LRMDA: variants seen among roughly 807,000 people sequenced by gnomAD.
LRMDA encodes leucine-rich melanocyte differentiation-associated protein.
Under a neutral mutation model 29.8 loss-of-function variants are expected in LRMDA, and 18 were observed. The ratio of observed to expected loss-of-function variants is 0.60; its 90% CI spans 0.42 to 0.90. LRMDA has a LOEUF of 0.90. Among genes scored for constraint, LRMDA ranks in the 40% least tolerant of loss-of-function variants. LRMDA has a pLI of 0.00. For synonymous variants in LRMDA, 125 were observed against 109.4 expected (o/e 1.14, Z -0.89); for missense variants, 273 against 273.9 (o/e 1.00, Z 0.02).
At chr10:75,567,582 G>T (rs1205613611) in intron 2 of LRMDA, among the ~76,000 whole-genome samples, 1 of 152,118 alleles carries the variant, frequency 6.6e-6, no homozygotes, top group Non-Finnish European at 1.5e-5. Flanking sequence ...CATTCAAAAC[G>T]GGATTTTTGC....
intron 2 of LRMDA, among the ~76,000 whole-genome samples, chr10:75,773,144 G>A (rs910910277): frequency 1.5e-4 from 23 of 152,152 alleles, no homozygotes; most frequent in African/African-American, 5.3e-4. Context: ...GTTGAAGGAT[G>A]TATCACAGCA....
At chr10:75,629,980 T>C (rs1289445586) in intron 2 of LRMDA, among the ~76,000 whole-genome samples, 2 of 152,284 alleles carry the variant, frequency 1.3e-5, no homozygotes, top group Non-Finnish European at 2.9e-5. Context: ...CATTCCATCA[T>C]ATATGTAATT....
rs767504354 is a variant in LRMDA, at chr10:76,047,150, T to C, written c.259-14T>C. 6.2e-7 allele frequency: 1 copy of C among 1,613,866 alleles called. No homozygotes were observed. The highest frequency in any genetic ancestry group is 8.5e-7 in the Non-Finnish European group (1 of 1,179,880). On this transcript the variant is annotated splice_polypyrimidine_tract_variant and intron_variant, in intron 3 of 6. Coordinates refer to ENST00000611255, the MANE Select transcript of LRMDA (RefSeq NM_001305581.2). ...CTTTTGTCTTACTGGACCAAGATTC[T>C]TAACCTTTGTCACATCACTGATTTG...
chr10:75,516,706 T>C (rs951388541), intron 2 of LRMDA, among the ~76,000 whole-genome samples: 1 of 152,136 alleles, frequency 6.6e-6, no homozygotes, highest in Non-Finnish European at 1.5e-5. Context: ...TTAGTTTAAT[T>C]AGATCCCATT....
At chr10:75,774,250 ATTT>A (rs1843279997) in intron 2 of LRMDA, among the ~76,000 whole-genome samples, 1 of 152,098 alleles carries the variant, frequency 6.6e-6, no homozygotes, top group South Asian at 2.1e-4. Context: ...TTACATTTTT[ATTT>A]TTAAGTTCTT....
intron 2 of LRMDA, among the ~76,000 whole-genome samples, chr10:75,851,023 G>A (rs1844723663): frequency 6.6e-6 from 1 of 152,174 alleles, no homozygotes; most frequent in Non-Finnish European, 1.5e-5. Context: ...ACCCCGCCTG[G>A]AAGAGGATCA....
chr10:76,346,060 T>G (rs751536105), intron 6 of LRMDA, among the ~76,000 whole-genome samples: 1 of 152,188 alleles, frequency 6.6e-6, no homozygotes, highest in East Asian at 1.9e-4. Flanking sequence ...AAGAGTACAG[T>G]GCTATACACC....
At chr10:75,579,589 C>G (rs113762245) in intron 2 of LRMDA, among the ~76,000 whole-genome samples, 187 of 152,186 alleles carry the variant, frequency 1.2e-3, no homozygotes, top group Admixed American at 2.6e-3. Context: ...GCATCATCCT[C>G]ATACCAAAAC....
chr10:76,262,541 T>G (rs975931340), intron 5 of LRMDA, among the ~76,000 whole-genome samples: 4 of 152,234 alleles, frequency 2.6e-5, no homozygotes, highest in African/African-American at 9.6e-5. Flanking sequence ...AGTGAAAGAT[T>G]AGGGTAACTG....
At chr10:75,581,473 G>A (rs1314665244) in intron 2 of LRMDA, among the ~76,000 whole-genome samples, 1 of 152,182 alleles carries the variant, frequency 6.6e-6, no homozygotes. Flanking sequence ...TGGTGGAAGT[G>A]TAAATTAGTT....
chr10:75,868,281 C>T (rs1048207081), intron 2 of LRMDA, among the ~76,000 whole-genome samples: 1 of 152,154 alleles, frequency 6.6e-6, no homozygotes, highest in African/African-American at 2.4e-5. Flanking sequence ...GTCCAGGTTC[C>T]CACACCAATC....
intron 5 of LRMDA, among the ~76,000 whole-genome samples, chr10:76,267,292 A>G (rs955452183): frequency 1.3e-5 from 2 of 152,160 alleles, no homozygotes; most frequent in South Asian, 2.1e-4. Context: ...AATTTTTGAC[A>G]TATTACACTA....
intron 6 of LRMDA, among the ~76,000 whole-genome samples, chr10:76,503,341 T>G (rs150631272): frequency 4.8e-4 from 73 of 152,042 alleles, no homozygotes; most frequent in African/African-American, 1.6e-3. Context: ...CATTGTAGAA[T>G]GAGTAAGGGA....
intron 6 of LRMDA, among the ~76,000 whole-genome samples, chr10:76,527,216 G>A (rs1041587411): frequency 4.6e-5 from 7 of 152,040 alleles, no homozygotes; most frequent in Non-Finnish European, 8.8e-5. Context: ...TCCAGCTCAT[G>A]GTGAATGTGC....
rs541099425 is a variant in LRMDA at position 76,313,563 on chromosome 10, C to T, written c.517-10838C>T. Among the ~76,000 whole-genome samples the T allele has an allele frequency of 1.1e-3, 164 of 152,222 alleles. 1 individual carries two copies. The highest frequency in any genetic ancestry group is 3.9e-3 in the African/African-American group (160 of 41,546). Reference sequence around the variant, plus strand: ...TATTTTTCTTACTGTTCTTTCCATTCCTAGACTATAAAATAGCCCTTTCTC... The same window carrying T: ...TATTTTTCTTACTGTTCTTTCCATTTCTAGACTATAAAATAGCCCTTTCTC... On this transcript the variant is annotated intron_variant, in intron 5 of 6. Coordinates refer to ENST00000611255, the MANE Select transcript of LRMDA (RefSeq NM_001305581.2).
At chr10:75,635,619 G>A (rs1239757674) in intron 2 of LRMDA, among the ~76,000 whole-genome samples, 2 of 151,992 alleles carry the variant, frequency 1.3e-5, no homozygotes, top group African/African-American at 4.8e-5. Flanking sequence ...AATGTTTCTG[G>A]TTCTACAGTT....
chr10:75,782,723 A>C (rs925977061), intron 2 of LRMDA: 1 of 1,305,490 alleles, frequency 7.7e-7, no homozygotes, highest in African/African-American at 1.5e-5. Flanking sequence ...TGAGATGGAG[A>C]CCGGGGCGAA....
chr10:75,657,555 G>T (rs1401012001), intron 2 of LRMDA, among the ~76,000 whole-genome samples: 1 of 152,178 alleles, frequency 6.6e-6, no homozygotes, highest in East Asian at 1.9e-4. Flanking sequence ...TAGTTGTGTG[G>T]CCCTAGGTGG....
In LRMDA at chr10:75,870,049, TGATGTCCTAAG is replaced by T. The variant is rs138731917; in HGVS notation, c.132-165956_132-165946del. Among the ~76,000 whole-genome samples, 835 of 152,328 alleles carry T rather than the reference TGATGTCCTAAG, an allele frequency of 5.5e-3. 11 individuals carry two copies. Among genetic ancestry groups the T allele is most frequent in the African/African-American group, 0.019 (774 of 41,578 alleles). Reference sequence around the variant, plus strand: ...GGGGCTGTGGGTGATAACTAAGCTCTGATGTCCTAAGGAAGGGACAAACTGTCACCTGAAAG... The same window carrying T: ...GGGGCTGTGGGTGATAACTAAGCTCTGAAGGGACAAACTGTCACCTGAAAG... On this transcript the variant is annotated intron_variant, in intron 2 of 6. Transcript: ENST00000611255.
Sources: gnomAD v4.1 joint callset for allele counts (sites outside exome capture counted in the v4.1 genomes callset) on GRCh38, gnomAD v4.1.1 for gene constraint, MANE v1.5 for transcripts, NCBI Gene and HGNC (gene_info 2026-07-23, HGNC 2026-07-21) for gene names.